The following NLRP1 variants were observed in gnomAD, a reference collection of about 807,000 sequenced individuals.
The protein encoded by NLRP1 is NLR family pyrin domain containing 1.
A neutral mutation model predicts 136.7 loss-of-function variants in NLRP1; 94 were observed. The ratio of observed to expected loss-of-function variants is 0.69; its 90% confidence interval spans 0.58 to 0.82. NLRP1 has a LOEUF of 0.82. NLRP1 is among the 40% of genes least tolerant of loss of function. The pLI is 0.00. For synonymous variants in NLRP1, 690 were observed against 725.1 expected (o/e 0.95, Z 0.78); for missense variants, 1,575 against 1,802.7 (o/e 0.87, Z 2.29).
chr17:5,513,280 G>A (rs1907756911), downstream of NLRP1, among the ~76,000 whole-genome samples: 2 of 152,080 alleles, frequency 1.3e-5, no homozygotes, highest in South Asian at 4.1e-4. Flanking sequence ...TTTTTTTAAA[G>A]AGACAAAGTC....
intron 13 of NLRP1, among the ~76,000 whole-genome samples, chr17:5,521,264 C>A (rs1248356059): frequency 6.6e-6 from 1 of 152,148 alleles, no homozygotes; most frequent in African/African-American, 2.4e-5. Flanking sequence ...GGACTCCAAT[C>A]CTTTGATTCC....
chr17:5,550,691 T>A (rs939640777), intron 5 of NLRP1, among the ~76,000 whole-genome samples: 1 of 152,158 alleles, frequency 6.6e-6, no homozygotes, highest in African/African-American at 2.4e-5. Context: ...GTTTCATTTA[T>A]CTCTACTCTA....
chr17:5,573,790 G>A (rs1374757144), intron 3 of NLRP1, among the ~76,000 whole-genome samples: 2 of 152,170 alleles, frequency 1.3e-5, no homozygotes, highest in Non-Finnish European at 2.9e-5. Context: ...AAACATAAAG[G>A]ACATCCACAC....
chr17:5,520,438 G>A (rs903594395), intron 14 of NLRP1, among the ~76,000 whole-genome samples: 6 of 152,178 alleles, frequency 3.9e-5, no homozygotes, highest in African/African-American at 7.2e-5. Context: ...GAAAATCTTC[G>A]TTTCCTTAGA....
rs149191782 is a variant in NLRP1 at position 5,559,608 on chromosome 17, T to A, written c.1088A>T (p.His363Leu). Residue 363 changes from histidine to leucine, a missense_variant, in exon 4 of 17, where the codon CAT becomes CTT. His to Leu is a moderately conservative substitution (Grantham distance 99). Transcript: ENST00000572272. ...RGQLYGDRFQ[H>L]VFYFSCRELA... ...CTCTCTGCAGCTGAAGTAGAAGACATGCTGGAAGCGGTCCCCATACAGCTG... is the reference window on the plus strand; with the variant it reads ...CTCTCTGCAGCTGAAGTAGAAGACAAGCTGGAAGCGGTCCCCATACAGCTG... 1 of 1,614,230 alleles carries A rather than the reference T, an allele frequency of 6.2e-7. No homozygotes were observed. The highest frequency in any genetic ancestry group is 8.5e-7 in the Non-Finnish European group (1 of 1,180,042).
chr17:5,522,689 G>C (rs752495743), intron 12 of NLRP1, among the ~76,000 whole-genome samples: 1 of 152,170 alleles, frequency 6.6e-6, no homozygotes, highest in Non-Finnish European at 1.5e-5. Context: ...CCTAAGTGGA[G>C]CTCAAGGATC....
chr17:5,552,257 G>C (rs1160875907), intron 5 of NLRP1, among the ~76,000 whole-genome samples: 1 of 151,710 alleles, frequency 6.6e-6, no homozygotes, highest in Admixed American at 6.6e-5. Flanking sequence ...TTGACCCTTG[G>C]TTATTTAGGA....
intron 3 of NLRP1, among the ~76,000 whole-genome samples, chr17:5,571,812 C>T (rs4790268): frequency 0.17 from 25,847 of 152,100 alleles, 3,441 homozygotes; most frequent in East Asian, 0.67. Context: ...TAAAAAATAA[C>T]AAATCTGGAG....
At chr17:5,515,544 A>ATC in intron 15 of NLRP1, 27 bp from the exon 16 acceptor site, 1 of 1,587,260 alleles carries the variant, frequency 6.3e-7, no homozygotes, top group Non-Finnish European at 8.7e-7. Flanking sequence ...ATGAAGATGC[A>ATC]TCTGAAACAG....
At chr17:5,548,438 T>C (rs1912944316) in intron 5 of NLRP1, among the ~76,000 whole-genome samples, 1 of 152,198 alleles carries the variant, frequency 6.6e-6, no homozygotes, top group South Asian at 2.1e-4. Context: ...CTTCTCCTTC[T>C]TGTGTCTTTT....
At chr17:5,520,565 T>C (rs1908762698) in intron 14 of NLRP1, among the ~76,000 whole-genome samples, 1 of 152,200 alleles carries the variant, frequency 6.6e-6, no homozygotes, top group Admixed American at 6.5e-5. Flanking sequence ...CAATGATTAA[T>C]AAAGCCAGTA....
intron 4 of NLRP1, among the ~76,000 whole-genome samples, chr17:5,558,048 G>A (rs1442881803): frequency 6.6e-6 from 1 of 152,104 alleles, no homozygotes; most frequent in Non-Finnish European, 1.5e-5. Context: ...AGCACGTCCA[G>A]GAGAGAAGAT....
intron 14 of NLRP1, among the ~76,000 whole-genome samples, chr17:5,519,151 C>T (rs1039362503): frequency 2.6e-5 from 4 of 151,578 alleles, no homozygotes; most frequent in Non-Finnish European, 5.9e-5. Flanking sequence ...TACAGGCACC[C>T]ACCACCACGC....
intron 8 of NLRP1, among the ~76,000 whole-genome samples, chr17:5,534,611 C>CT (rs1409481735): frequency 1.3e-5 from 2 of 152,174 alleles, no homozygotes; most frequent in African/African-American, 4.8e-5. Flanking sequence ...GTCCCAGGCC[C>CT]TGGCCTCTGT....
chr17:5,533,080 C>T, intron 10 of NLRP1, 96 bp from the exon 11 acceptor site: 2 of 1,456,824 alleles, frequency 1.4e-6, no homozygotes, highest in Admixed American at 2.5e-5. Flanking sequence ...CAAGGCTGGC[C>T]TGCCTGGACC....
chr17:5,562,291 A>G lies in NLRP1; in HGVS notation c.653-2248T>C, dbSNP rs969538146. Among the ~76,000 whole-genome samples the G allele has an allele frequency of 4.3e-4, 66 of 152,374 alleles. 1 individual carries two copies. Among genetic ancestry groups the G allele is most frequent in the Admixed American group, 2.0e-3 (31 of 15,314 alleles). The stretch of plus-strand genomic sequence containing the variant: ...GACTTGCTGGTTTGGACAATGCCCA[A>G]GCAGGGAAGAGCCCTCATTCTCTTA... On this transcript the variant is annotated intron_variant, in intron 3 of 16. Transcript: ENST00000572272.
At chr17:5,517,669 A>G (rs1301398724) in intron 15 of NLRP1, 77 bp downstream of exon 15, 4 of 1,541,986 alleles carry the variant, frequency 2.6e-6, no homozygotes, top group Non-Finnish European at 3.6e-6. Context: ...TACAGGCGTG[A>G]GCCACTGTGC....
intron 4 of NLRP1, among the ~76,000 whole-genome samples, 200 bp downstream of exon 4, chr17:5,558,139 C>A (rs2151801168): frequency 6.6e-6 from 1 of 152,230 alleles, no homozygotes; most frequent in South Asian, 2.1e-4. Flanking sequence ...GCAGGGCCTG[C>A]CCCACAGCCG....
chr17:5,523,997 C>T (rs1226539265), intron 12 of NLRP1, among the ~76,000 whole-genome samples: 1 of 152,188 alleles, frequency 6.6e-6, no homozygotes, highest in African/African-American at 2.4e-5. Context: ...GATCTTGGCT[C>T]ACCACAGCCT....
Sources: gnomAD v4.1 joint callset for allele counts (sites outside exome capture counted in the v4.1 genomes callset) on GRCh38, gnomAD v4.1.1 for gene constraint, MANE v1.5 for transcripts, NCBI Gene and HGNC (gene_info 2026-07-23, HGNC 2026-07-21) for gene names.